ADGRB3: variants seen among roughly 807,000 people sequenced by gnomAD.
ADGRB3 encodes the protein brain-specific angiogenesis inhibitor 3.
Under a neutral mutation model 193.4 loss-of-function variants are expected in ADGRB3, and 37 were observed. That is an observed-to-expected ratio of 0.19 (90% CI 0.15 to 0.25). ADGRB3 has a LOEUF of 0.25. Ranked by LOEUF, ADGRB3 falls within the 10% of genes least tolerant of loss-of-function variation. The probability of loss-of-function intolerance (pLI) is 1.00; values close to 1 mark genes in which losing one functional copy is unlikely to be tolerated. For missense variants in ADGRB3, 1,637 were observed against 1,852.9 expected (o/e 0.88, Z 2.14); for synonymous variants, 690 against 644.2 (o/e 1.07, Z -1.08).
intron 3 of ADGRB3, among the ~76,000 whole-genome samples, chr6:68,890,258 T>C (rs1766034779): frequency 6.6e-6 from 1 of 152,210 alleles, no homozygotes; most frequent in Non-Finnish European, 1.5e-5. Flanking sequence ...AACTTACAGG[T>C]AAGTACAATC....
chr6:69,292,713 CT>C lies in ADGRB3; in HGVS notation c.2815-32147del, dbSNP rs58594374. Among the ~76,000 whole-genome samples the C allele has an allele frequency of 1.8e-3, 256 of 144,472 alleles. 1 individual carries two copies. Among genetic ancestry groups the C allele is most frequent in the South Asian group, 2.6e-3 (12 of 4,574 alleles). 94.8% of individuals were successfully genotyped at this position (144,472 alleles called of 152,430 possible). A position where few individuals can be genotyped will look rare whatever the true frequency, so the allele number is the denominator to read the frequency against. On this transcript the variant is annotated intron_variant, in intron 20 of 31. Coordinates refer to ENST00000370598, the MANE Select transcript of ADGRB3 (RefSeq NM_001704.3). The stretch of plus-strand genomic sequence containing the variant: ...TCAGAGTACTTCTCTCAACCTCTTT[CT>C]TTTTTTTTTTTATTATTACCATACT...
At chr6:68,978,917 A>G (rs1768826419) in intron 10 of ADGRB3, among the ~76,000 whole-genome samples, 1 of 151,418 alleles carries the variant, frequency 6.6e-6, no homozygotes, top group Non-Finnish European at 1.5e-5. Context: ...TGAAACATAG[A>G]TTACAATATA....
At chr6:69,190,532 A>C (rs1765165414) in intron 17 of ADGRB3, among the ~76,000 whole-genome samples, 1 of 152,144 alleles carries the variant, frequency 6.6e-6, no homozygotes, top group Admixed American at 6.6e-5. Flanking sequence ...TTTGTAAAGT[A>C]AAAAAGTTAC....
At chr6:68,828,601 G>A (rs938938739) in intron 3 of ADGRB3, among the ~76,000 whole-genome samples, 1 of 151,980 alleles carries the variant, frequency 6.6e-6, no homozygotes, top group African/African-American at 2.4e-5. Flanking sequence ...AAAACAAATT[G>A]AACTGGAAAC....
chr6:69,001,397 AAG>A (rs1279919307), intron 11 of ADGRB3, among the ~76,000 whole-genome samples: 1 of 152,236 alleles, frequency 6.6e-6, no homozygotes, highest in African/African-American at 2.4e-5. Flanking sequence ...GGCCACATAA[AAG>A]AGTTTGAACT....
intron 3 of ADGRB3, among the ~76,000 whole-genome samples, chr6:68,741,548 A>G (rs1765982392): frequency 6.6e-6 from 1 of 152,000 alleles, no homozygotes; most frequent in African/African-American, 2.4e-5. Context: ...CACTATGCCC[A>G]GATAAACTTT....
intron 13 of ADGRB3, among the ~76,000 whole-genome samples, chr6:69,040,671 T>C (rs1463517236): frequency 2.9e-5 from 1 of 34,234 alleles, no homozygotes; most frequent in Non-Finnish European, 5.8e-5. Context: ...AAATGACTGA[T>C]GGACAAAAAA....
intron 17 of ADGRB3, among the ~76,000 whole-genome samples, chr6:69,229,069 T>C (rs774806390): frequency 1.3e-5 from 2 of 152,198 alleles, no homozygotes; most frequent in Admixed American, 6.5e-5. Context: ...ATCAATGGGC[T>C]AGATGATCAC....
intron 3 of ADGRB3, among the ~76,000 whole-genome samples, chr6:68,832,973 T>C (rs1176211855): frequency 2.0e-5 from 3 of 152,144 alleles, no homozygotes; most frequent in Admixed American, 6.6e-5. Context: ...ATCTGCCCAC[T>C]GTGTACTTTT....
intron 3 of ADGRB3, among the ~76,000 whole-genome samples, chr6:68,829,227 G>A (rs1479778631): frequency 1.3e-5 from 2 of 150,458 alleles, no homozygotes; most frequent in East Asian, 3.9e-4. Flanking sequence ...AGCCTCCCCA[G>A]TAACTGGGAT....
chr6:69,377,537 T>C (rs1237808567), intron 30 of ADGRB3, among the ~76,000 whole-genome samples: 1 of 151,972 alleles, frequency 6.6e-6, no homozygotes, highest in East Asian at 1.9e-4. Flanking sequence ...GAACCACAGG[T>C]TCATCTTAGC....
intron 10 of ADGRB3, among the ~76,000 whole-genome samples, chr6:68,977,968 A>G (rs1162657325): frequency 1.3e-5 from 2 of 151,334 alleles, no homozygotes; most frequent in African/African-American, 2.4e-5. Flanking sequence ...TCTGTCTTAT[A>G]CTCTATTGCT....
intron 17 of ADGRB3, among the ~76,000 whole-genome samples, chr6:69,132,126 C>A (rs1291076498): frequency 6.6e-6 from 1 of 152,016 alleles, no homozygotes; most frequent in African/African-American, 2.4e-5. Context: ...GTTTATAATC[C>A]TTTGGGTATA....
chr6:69,212,076 C>A (rs1382205608), intron 17 of ADGRB3, among the ~76,000 whole-genome samples: 1 of 152,030 alleles, frequency 6.6e-6, no homozygotes, highest in Non-Finnish European at 1.5e-5. Context: ...AATTCTGATG[C>A]AAGAACATAA....
chr6:68,868,907 A>G (rs71534866), intron 3 of ADGRB3, among the ~76,000 whole-genome samples: 42,677 of 122,114 alleles, frequency 0.35, 6,895 homozygotes, highest in Middle Eastern at 0.56. Flanking sequence ...ACTTCCAGAT[A>G]ATGATGTGTG....
chr6:68,881,347 T>C (rs1582279595), intron 3 of ADGRB3, among the ~76,000 whole-genome samples: 1 of 152,314 alleles, frequency 6.6e-6, no homozygotes, highest in East Asian at 1.9e-4. Flanking sequence ...TGTATCTGAT[T>C]TTCCACCTTC....
At chr6:68,764,434 C>A (rs982571381) in intron 3 of ADGRB3, among the ~76,000 whole-genome samples, 2 of 152,178 alleles carry the variant, frequency 1.3e-5, no homozygotes, top group African/African-American at 4.8e-5. Flanking sequence ...AAAATCCACT[C>A]AGCAAAAGAC....
rs559682755 is a variant in ADGRB3 at position 69,285,098 on chromosome 6, G to A, written c.2815-39774G>A. Among the ~76,000 whole-genome samples, 4 of 152,310 alleles carry A rather than the reference G, an allele frequency of 2.6e-5. No individual in the cohort carries two copies. In the South Asian group the frequency reaches 6.2e-4, roughly 24 times the overall value. ...ATATATCGGTTCCTACTTCAGGTTTGTTTGTCTAAGAGGCATAAATGTTTA... is the reference window on the plus strand; with the variant it reads ...ATATATCGGTTCCTACTTCAGGTTTATTTGTCTAAGAGGCATAAATGTTTA... On this transcript the variant is annotated intron_variant, in intron 20 of 31. Coordinates refer to ENST00000370598, the MANE Select transcript of ADGRB3 (RefSeq NM_001704.3).
chr6:68,650,203 C>T (rs77405601), intron 3 of ADGRB3, among the ~76,000 whole-genome samples: 8 of 152,000 alleles, frequency 5.3e-5, no homozygotes, highest in East Asian at 3.9e-4. Flanking sequence ...TGCAGATGGG[C>T]GCACAGAGTA....
Sources: gnomAD v4.1 joint callset for allele counts (sites outside exome capture counted in the v4.1 genomes callset) on GRCh38, gnomAD v4.1.1 for gene constraint, MANE v1.5 for transcripts, NCBI Gene and HGNC (gene_info 2026-07-23, HGNC 2026-07-21) for gene names.